Variants in DMD observed in about 807,000 individuals in gnomAD.
The protein encoded by DMD is dystrophin, also known as mutant dystrophin.
DMD carries 63 observed loss-of-function variants against 330.1 expected under a neutral mutation model. The ratio of observed to expected loss-of-function variants is 0.19; its 90% CI spans 0.16 to 0.24. DMD has a LOEUF of 0.24. Among genes scored for constraint, DMD ranks in the 10% least tolerant of loss-of-function variants. The pLI is 1.00. For synonymous variants in DMD, 1,223 were observed against 959.8 expected, an observed-to-expected ratio of 1.27 and a Z score of -5.07; for missense variants, 3,344 against 2,684.1, an observed-to-expected ratio of 1.25 and a Z score of -5.43.
chrX:32,755,388 T>C (rs955384605), intron 7 of DMD, among the ~76,000 whole-genome samples: 12 of 111,590 alleles, frequency 1.1e-4, no homozygotes, highest in Non-Finnish European at 2.1e-4. Context: ...ACAATCCTTC[T>C]GAAGTTAAAA....
intron 50 of DMD, among the ~76,000 whole-genome samples, chrX:31,811,699 G>A (rs7051970): frequency 0.16 from 17,643 of 110,732 alleles, 1,084 homozygotes; most frequent in African/African-American, 0.22. Context: ...CTATAAAACC[G>A]GCAATAGTAT....
At chrX:32,267,109 A>G (rs889802070) in intron 43 of DMD, among the ~76,000 whole-genome samples, 1 of 112,457 alleles carries the variant, frequency 8.9e-6, no homozygotes, top group African/African-American at 3.2e-5. Context: ...AAGCAAAACA[A>G]AGTAAAACAA....
intron 44 of DMD, among the ~76,000 whole-genome samples, chrX:32,204,437 C>A (rs2097054953): frequency 8.9e-6 from 1 of 112,041 alleles, no homozygotes. Flanking sequence ...TGTATTACAT[C>A]TTTCTGTGTA....
chrX:33,066,528 C>A (rs2094664064), intron 1 of DMD, among the ~76,000 whole-genome samples: 1 of 108,109 alleles, frequency 9.2e-6, no homozygotes, highest in Non-Finnish European at 1.9e-5. Context: ...TCTTAGGAAG[C>A]TGGCTGGAGT....
chrX:32,467,769 T>A (rs2040195772), intron 23 of DMD, among the ~76,000 whole-genome samples: 1 of 109,065 alleles, frequency 9.2e-6, no homozygotes, highest in Non-Finnish European at 1.9e-5. Context: ...ACAGTTCTGC[T>A]AACACCTTAA....
At chrX:32,908,102 G>A (rs1225762987) in intron 2 of DMD, among the ~76,000 whole-genome samples, 3 of 111,800 alleles carry the variant, frequency 2.7e-5, no homozygotes, top group Non-Finnish European at 5.6e-5. Flanking sequence ...TTGACCCTTT[G>A]CAAGACCAAA....
In DMD at chrX:32,441,246, T is replaced by G; in HGVS notation, c.3855A>C (p.Val1285=). The change falls in exon 28 of 79, where the codon GTA becomes GTC. Residue 1285 remains valine, a synonymous_variant. Coordinates refer to ENST00000357033, the MANE Select transcript of DMD (RefSeq NM_004006.3). ...LEKANKWLNE[V]EFKLKTTENI... ...TTTCAGTGGTTTTAAGTTTAAATTC[T>G]ACTTCATTTAGCCACTTGTTTGCTT... The G allele has an allele frequency of 8.3e-7, 1 of 1,208,927 alleles. No homozygotes were observed. Among genetic ancestry groups the G allele is most frequent in the Non-Finnish European group, 1.1e-6 (1 of 893,086 alleles).
At chrX:32,182,350 A>G (rs1054868580) in intron 44 of DMD, among the ~76,000 whole-genome samples, 1 of 112,147 alleles carries the variant, frequency 8.9e-6, no homozygotes, top group African/African-American at 3.2e-5. Context: ...ACATACCTCT[A>G]CCTAAATACA....
At chrX:33,302,720 A>C (rs1273973557) in intron 1 of DMD, among the ~76,000 whole-genome samples, 2 of 111,362 alleles carry the variant, frequency 1.8e-5, no homozygotes, top group Non-Finnish European at 3.8e-5. Context: ...CGCTATCTAC[A>C]TCTCCCACCA....
chrX:32,411,224 G>A (rs2098140555), intron 30 of DMD, among the ~76,000 whole-genome samples: 1 of 111,313 alleles, frequency 9.0e-6, no homozygotes, highest in African/African-American at 3.3e-5. Flanking sequence ...TCCGCCTCCC[G>A]TGTTCAAGTG....
At chrX:32,412,336 A>C (rs185298218) in intron 29 of DMD, 1 of 565,504 alleles carries the variant, frequency 1.8e-6, no homozygotes, top group Non-Finnish European at 2.6e-6. Context: ...TGCTTCCACC[A>C]GTGAGATACA....
intron 44 of DMD, among the ~76,000 whole-genome samples, chrX:32,164,829 G>C (rs2096862365): frequency 9.0e-6 from 1 of 110,942 alleles, no homozygotes; most frequent in Admixed American, 9.6e-5. Flanking sequence ...TGCGGCATCA[G>C]GACTTGGTGC....
At chrX:31,991,645 A>G (rs1272885148) in intron 44 of DMD, among the ~76,000 whole-genome samples, 1 of 110,426 alleles carries the variant, frequency 9.1e-6, no homozygotes, top group Non-Finnish European at 1.9e-5. Flanking sequence ...GATGAGATGT[A>G]AACAAAGGTG....
intron 1 of DMD, among the ~76,000 whole-genome samples, chrX:33,268,524 C>T (rs73190261): frequency 0.11 from 12,165 of 111,155 alleles, 673 homozygotes; most frequent in Non-Finnish European, 0.17. Flanking sequence ...GACATGCAAG[C>T]GACCAACAAA....
chrX:32,756,254 T>C (rs192586228), intron 7 of DMD: 1 of 112,159 alleles, frequency 8.9e-6, no homozygotes, highest in Non-Finnish European at 1.9e-5. Context: ...ACCTGGACTT[T>C]TCGTAGAAGA....
At position 32,844,823 on chromosome X, in the gene DMD, T is replaced by C. The variant is rs2080508805; in HGVS notation, c.224A>G (p.Asn75Ser). The change falls in exon 4 of 79, where the codon AAC becomes AGC. Residue 75 changes from asparagine to serine, a missense_variant. Physicochemically the swap from Asn to Ser is conservative, Grantham distance 46. Transcript: ENST00000357033. ...EKGSTRVHAL[N>S]NVNKALRVLQ... ...AACCCGCAGTGCCTTGTTGACATTGTTCAGGGCATGAACTCTTGTGGATCC... is the reference window on the plus strand; with the variant it reads ...AACCCGCAGTGCCTTGTTGACATTGCTCAGGGCATGAACTCTTGTGGATCC... 1 of 1,211,767 alleles carries C rather than the reference T, an allele frequency of 8.3e-7. No homozygotes were observed. Among genetic ancestry groups the C allele is most frequent in the Non-Finnish European group, 1.1e-6 (1 of 895,332 alleles).
At chrX:32,757,182 TAA>T (rs2071612927) in intron 7 of DMD, among the ~76,000 whole-genome samples, 1 of 111,652 alleles carries the variant, frequency 9.0e-6, no homozygotes, top group Non-Finnish European at 1.9e-5. Flanking sequence ...TGAGAACATT[TAA>T]AGTCTATTCT....
intron 30 of DMD, among the ~76,000 whole-genome samples, chrX:32,390,562 T>C (rs1396294374): frequency 8.9e-6 from 1 of 112,264 alleles, no homozygotes; most frequent in Non-Finnish European, 1.9e-5. Flanking sequence ...ATCTTTGAAG[T>C]CACACTCAAA....
At chrX:32,965,493 C>CA (rs34853368) in intron 2 of DMD, among the ~76,000 whole-genome samples, 4,794 of 34,292 alleles carry the variant, frequency 0.14, 315 homozygotes, top group East Asian at 0.29. Context: ...GACTCTGTCT[C>CA]AAAAAAAAAA....
Sources: allele counts gnomAD v4.1 joint callset (sites outside exome capture counted in the v4.1 genomes callset), GRCh38; gene constraint gnomAD v4.1.1; transcripts MANE v1.5; gene names NCBI Gene and HGNC (gene_info 2026-07-23, HGNC 2026-07-21).